The following CTNND2 variants were observed in gnomAD, a reference collection of about 807,000 sequenced individuals.
CTNND2 encodes catenin delta-2.
In CTNND2, 22 loss-of-function variants were observed where a neutral mutation model predicts 144.4. The observed-to-expected ratio is 0.15, with a 90% confidence interval of 0.11 to 0.22. CTNND2 has a LOEUF of 0.22. CTNND2 is among the 10% of genes least tolerant of loss of function. The pLI is 1.00. For synonymous variants in CTNND2, 751 were observed against 695.6 expected (o/e 1.08, Z -1.25); for missense variants, 1,353 against 1,618.8 (o/e 0.84, Z 2.82).
chr5:11,646,214 T>C, intron 2 of CTNND2, among the ~76,000 whole-genome samples: 1 of 152,200 alleles, frequency 6.6e-6, no homozygotes, highest in East Asian at 1.9e-4. Flanking sequence ...ATGCTGAATA[T>C]TTACCATGTT....
chr5:11,435,298 C>A (rs1423463900), intron 3 of CTNND2, among the ~76,000 whole-genome samples: 1 of 151,900 alleles, frequency 6.6e-6, no homozygotes, highest in Non-Finnish European at 1.5e-5. Flanking sequence ...GCCACCAAGC[C>A]CGGCTAATTT....
At chr5:11,682,068 C>T (rs181115697) in intron 2 of CTNND2, among the ~76,000 whole-genome samples, 1 of 152,308 alleles carries the variant, frequency 6.6e-6, no homozygotes, top group East Asian at 1.9e-4. Context: ...CTGGGAGCAG[C>T]AACTGGCCTA....
At chr5:11,538,768 G>T (rs1359814993) in intron 3 of CTNND2, among the ~76,000 whole-genome samples, 1 of 152,074 alleles carries the variant, frequency 6.6e-6, no homozygotes, top group Non-Finnish European at 1.5e-5. Context: ...AGACTGGATG[G>T]AACACTCAGG....
At chr5:11,388,450 C>T (rs1401939625) in intron 6 of CTNND2, among the ~76,000 whole-genome samples, 3 of 152,322 alleles carry the variant, frequency 2.0e-5, no homozygotes, top group African/African-American at 7.2e-5. Flanking sequence ...AGTTAAACAG[C>T]CACATGTGAC....
chr5:11,860,185 A>T lies in CTNND2; in HGVS notation c.37+43632T>A, dbSNP rs1406611329. Among the ~76,000 whole-genome samples, 3 of 152,348 alleles carry T rather than the reference A, an allele frequency of 2.0e-5. No homozygotes were observed. The South Asian group carries it at 6.2e-4, about 32-fold the overall frequency. The stretch of plus-strand genomic sequence containing the variant: ...ATAAAATATTTTAATCTCATGATGA[A>T]TTCATCTATTGAGAGTTATTACATC... On this transcript the variant is annotated intron_variant, in intron 1 of 21. Coordinates refer to ENST00000304623, the MANE Select transcript of CTNND2 (RefSeq NM_001332.4).
At chr5:11,157,936 A>C (rs755910494) in intron 12 of CTNND2, among the ~76,000 whole-genome samples, 1 of 152,192 alleles carries the variant, frequency 6.6e-6, no homozygotes, top group Middle Eastern at 3.4e-3. Flanking sequence ...AAACTTAGCC[A>C]GATGATGTGT....
At chr5:11,804,005 G>A (rs1791851267) in intron 1 of CTNND2, among the ~76,000 whole-genome samples, 1 of 152,070 alleles carries the variant, frequency 6.6e-6, no homozygotes, top group African/African-American at 2.4e-5. Context: ...CCTCTGTTCT[G>A]AGGACTCCTA....
At chr5:11,295,854 G>T (rs1206634129) in intron 9 of CTNND2, among the ~76,000 whole-genome samples, 1 of 151,694 alleles carries the variant, frequency 6.6e-6, no homozygotes, top group East Asian at 1.9e-4. Context: ...AAAGACTTAC[G>T]TGTTAGACCT....
At chr5:11,416,473 A>G (rs1761947079) in intron 3 of CTNND2, among the ~76,000 whole-genome samples, 1 of 152,194 alleles carries the variant, frequency 6.6e-6, no homozygotes, top group South Asian at 2.1e-4. Context: ...AAGTCCCAAG[A>G]GAAAGCTGGT....
At chr5:11,531,090 T>G (rs1018854203) in intron 3 of CTNND2, among the ~76,000 whole-genome samples, 1 of 152,224 alleles carries the variant, frequency 6.6e-6, no homozygotes. Context: ...TGGAAAATGT[T>G]GATACCTTGT....
chr5:10,978,335 A>C (rs1214191802), intron 21 of CTNND2, among the ~76,000 whole-genome samples: 1 of 152,162 alleles, frequency 6.6e-6, no homozygotes, highest in African/African-American at 2.4e-5. Flanking sequence ...ATGTCTTTTG[A>C]AGGGTTAGGA....
chr5:11,134,787 A>G (rs1755966443), intron 12 of CTNND2, among the ~76,000 whole-genome samples: 1 of 152,252 alleles, frequency 6.6e-6, no homozygotes, highest in Admixed American at 6.5e-5. Context: ...CTACTACCAG[A>G]TGGCTTGCAC....
At chr5:11,860,910 CT>C (rs1453997183) in intron 1 of CTNND2, among the ~76,000 whole-genome samples, 2 of 152,182 alleles carry the variant, frequency 1.3e-5, no homozygotes, top group East Asian at 3.9e-4. Flanking sequence ...GAGGTTTTCT[CT>C]CAATAAAACA....
chr5:11,445,946 AG>A (rs1355304204), intron 3 of CTNND2, among the ~76,000 whole-genome samples: 1 of 152,220 alleles, frequency 6.6e-6, no homozygotes, highest in Admixed American at 6.5e-5. Context: ...TACCAAAATA[AG>A]GGGTAAACCT....
chr5:10,985,627 C>T (rs188912116), intron 20 of CTNND2, among the ~76,000 whole-genome samples: 1 of 152,264 alleles, frequency 6.6e-6, no homozygotes, highest in African/African-American at 2.4e-5. Flanking sequence ...GGGAATGAAA[C>T]AAGGAAGATG....
At chr5:11,258,409 T>C (rs72730958) in intron 9 of CTNND2, among the ~76,000 whole-genome samples, 4 of 152,332 alleles carry the variant, frequency 2.6e-5, no homozygotes, top group Non-Finnish European at 4.4e-5. Flanking sequence ...TCAACATTGC[T>C]ATTACTGTTC....
At chr5:11,026,156 C>T (rs996447504) in intron 16 of CTNND2, among the ~76,000 whole-genome samples, 1 of 151,946 alleles carries the variant, frequency 6.6e-6, no homozygotes, top group Non-Finnish European at 1.5e-5. Flanking sequence ...AGAAAGGGCA[C>T]CTAGAGCCCA....
intron 7 of CTNND2, among the ~76,000 whole-genome samples, chr5:11,376,613 G>A (rs995435791): frequency 1.3e-5 from 2 of 152,056 alleles, no homozygotes; most frequent in Non-Finnish European, 2.9e-5. Context: ...TGAGTGGGGG[G>A]TTGGGGGAGC....
At chr5:11,035,348 T>C (rs1392279574) in intron 16 of CTNND2, among the ~76,000 whole-genome samples, 1 of 152,188 alleles carries the variant, frequency 6.6e-6, no homozygotes, top group Non-Finnish European at 1.5e-5. Flanking sequence ...CTGATTTCCT[T>C]GGCATGTAAC....
Sources: allele counts gnomAD v4.1 joint callset (sites outside exome capture counted in the v4.1 genomes callset), GRCh38; gene constraint gnomAD v4.1.1; transcripts MANE v1.5; gene names NCBI Gene and HGNC (gene_info 2026-07-23, HGNC 2026-07-21).